The following DNAJC17 variants were observed in gnomAD, a reference collection of about 807,000 sequenced individuals.
The protein encoded by DNAJC17 is dnaJ homolog subfamily C member 17.
In DNAJC17, 35 loss-of-function variants were observed where a neutral mutation model predicts 48.1. The observed-to-expected ratio is 0.73, with a 90% CI of 0.56 to 0.96. The LOEUF is 0.96. DNAJC17 is among the 50% of genes least tolerant of loss of function. DNAJC17 has a pLI of 0.00. For synonymous variants in DNAJC17, 117 were observed against 142.7 expected, an observed-to-expected ratio of 0.82 and a Z score of 1.28; for missense variants, 355 against 377.1, an observed-to-expected ratio of 0.94 and a Z score of 0.48.
chr15:40,799,061 T>C (rs1470752536), intron 1 of DNAJC17, among the ~76,000 whole-genome samples: 2 of 151,164 alleles, frequency 1.3e-5, no homozygotes, highest in South Asian at 2.1e-4. Flanking sequence ...CTACTAAAAA[T>C]ACAAAAAAAA....
chr15:40,791,397 G>T (rs989596448), intron 1 of DNAJC17, among the ~76,000 whole-genome samples: 1 of 151,636 alleles, frequency 6.6e-6, no homozygotes, highest in African/African-American at 2.4e-5. Flanking sequence ...GTATGGTGGC[G>T]TGTGCCTGTA....
In DNAJC17 at chr15:40,767,927, G is replaced by C; in HGVS notation, c.*13C>G. The C allele has an allele frequency of 6.2e-7, 1 of 1,611,600 alleles. No individual in the cohort carries two copies. Among genetic ancestry groups the C allele is most frequent in the South Asian group, 1.1e-5 (1 of 90,790 alleles). On this transcript the variant is annotated 3_prime_UTR_variant, in exon 11 of 11. Transcript: ENST00000220496. ...GAAGAAAAGGGCTGAGGGGTGGATG[G>C]CTGGAGCTGGGGCTACGTAGGCGGC...
intron 8 of DNAJC17, among the ~76,000 whole-genome samples, chr15:40,774,681 T>A (rs1400182718): frequency 6.6e-6 from 1 of 152,272 alleles, no homozygotes; most frequent in Non-Finnish European, 1.5e-5. Flanking sequence ...CTGACACATT[T>A]CATTGCATAG....
chr15:40,774,583 A>C (rs1301369849), intron 8 of DNAJC17, 147 bp from the exon 9 acceptor site: 1 of 839,722 alleles, frequency 1.2e-6, no homozygotes, highest in Admixed American at 2.6e-5. Flanking sequence ...ATCTTAGTGA[A>C]GTGAGATCAG....
At chr15:40,784,225 AAAG>A (rs1889583486) in intron 1 of DNAJC17, among the ~76,000 whole-genome samples, 1 of 152,132 alleles carries the variant, frequency 6.6e-6, no homozygotes, top group Non-Finnish European at 1.5e-5. Flanking sequence ...TCAAAAAAAA[AAAG>A]AAGGAGCAGT....
At chr15:40,807,229 C>A in intron 1 of DNAJC17, 140 bp downstream of exon 1, 1 of 1,546,722 alleles carries the variant, frequency 6.5e-7, no homozygotes, top group Non-Finnish European at 8.7e-7. Flanking sequence ...AGCCCGCCTG[C>A]GGAGGGCATA....
In DNAJC17 at chr15:40,779,314, G is replaced by A; in HGVS notation, c.208-4C>T. 6.2e-7 allele frequency: 1 copy of A among 1,613,990 alleles called. No homozygotes were observed. The stretch of plus-strand genomic sequence containing the variant: ...TCCTGACCTTGTCATATGCAGCCTG[G>A]CAGGAGAAAGGGGCACAGGGCAGAG... On this transcript the variant is annotated splice_polypyrimidine_tract_variant and splice_region_variant and intron_variant, in intron 3 of 10. Coordinates refer to ENST00000220496, the MANE Select transcript of DNAJC17 (RefSeq NM_018163.3).
chr15:40,795,026 A>G (rs1889912116), intron 1 of DNAJC17, among the ~76,000 whole-genome samples: 1 of 152,120 alleles, frequency 6.6e-6, no homozygotes, highest in South Asian at 2.1e-4. Context: ...TATTTTTAAT[A>G]TATATTTTTA....
At position 40,766,030 on chromosome 15, in the gene DNAJC17, C is replaced by T. The variant is rs1166296054; in HGVS notation, c.*1910G>A. On this transcript the variant is annotated 3_prime_UTR_variant, in exon 11 of 11. Transcript: ENST00000220496. ...GGACAGGGCCCAGCATCAGAGCCCCCTGCCTGCATCCTGGGGCTCTGTTCT... is the reference window on the plus strand; with the variant it reads ...GGACAGGGCCCAGCATCAGAGCCCCTTGCCTGCATCCTGGGGCTCTGTTCT... 4.0e-6 allele frequency: 2 copies of T among 494,710 alleles called. No homozygotes were observed. The highest frequency in any genetic ancestry group is 7.2e-6 in the Non-Finnish European group (2 of 275,894). The allele number at this position is 494,710 out of a possible 1,614,324, so 30.6% of individuals were successfully genotyped here. A position where few individuals can be genotyped will look rare whatever the true frequency, so the allele number is the denominator to read the frequency against.
In DNAJC17 at chr15:40,767,401, G is replaced by C; in HGVS notation, c.*539C>G. On this transcript the variant is annotated 3_prime_UTR_variant, in exon 11 of 11. Coordinates refer to ENST00000220496, the MANE Select transcript of DNAJC17 (RefSeq NM_018163.3). ...GCACCCCTGTGGAGGGGCTGCTGTGGGCCCTGACCTCCAAGCTCCTGCCTC... is the reference window on the plus strand; with the variant it reads ...GCACCCCTGTGGAGGGGCTGCTGTGCGCCCTGACCTCCAAGCTCCTGCCTC... 1 of 1,530,986 alleles carries C rather than the reference G, an allele frequency of 6.5e-7. No homozygotes were observed. The highest frequency in any genetic ancestry group is 8.8e-7 in the Non-Finnish European group (1 of 1,140,142). 94.8% of individuals were successfully genotyped at this position (1,530,986 alleles called of 1,614,324 possible). A position where few individuals can be genotyped will look rare whatever the true frequency, so the allele number is the denominator to read the frequency against.
chr15:40,770,807 AG>A lies in DNAJC17; in HGVS notation c.793-2746del. 6.5e-7 allele frequency: 1 copy of A among 1,550,100 alleles called. No individual in the cohort carries two copies. The highest frequency in any genetic ancestry group is 1.2e-5 in the South Asian group (1 of 84,036). Reference sequence around the variant, plus strand: ...TGGAGCCCCCACCTGCCTACACAGCAGCCTACTCTGCCACCCTGCCATCGGC... The same window carrying A: ...TGGAGCCCCCACCTGCCTACACAGCACCTACTCTGCCACCCTGCCATCGGC... On this transcript the variant is annotated intron_variant, in intron 10 of 10. Transcript: ENST00000220496. The surrounding 1 kb of genome is among the most constrained non-coding windows in gnomAD (Gnocchi z 5.0).
At chr15:40,805,226 A>C (rs1380068253) in intron 1 of DNAJC17, among the ~76,000 whole-genome samples, 1 of 150,956 alleles carries the variant, frequency 6.6e-6, no homozygotes, top group Non-Finnish European at 1.5e-5. Flanking sequence ...AAATACAAAA[A>C]TTAGCTGGGC....
rs200470384 is a variant in DNAJC17, at chr15:40,770,683, G to A, written c.793-2621C>T. ...CTACAAGGGAGGCCAGATGGCCGGC[G>A]CCTGCCACTGTGGGGGGACGAGCAG... On this transcript the variant is annotated intron_variant, in intron 10 of 10. Transcript: ENST00000220496. This position sits in a 1 kb window ranked among gnomAD's most constrained non-coding sequence, Gnocchi z 5.0. 9.7e-6 allele frequency: 15 copies of A among 1,547,258 alleles called. No individual in the cohort carries two copies. Among genetic ancestry groups the A allele is most frequent in the African/African-American group, 1.4e-5 (1 of 73,018 alleles).
At chr15:40,776,454 C>A in intron 5 of DNAJC17, 88 bp downstream of exon 5, 1 of 1,540,044 alleles carries the variant, frequency 6.5e-7, no homozygotes, top group Non-Finnish European at 8.9e-7. Context: ...AGAGCATGCC[C>A]TCTCTAGCCA....
chr15:40,804,728 G>T (rs753283747), intron 1 of DNAJC17, among the ~76,000 whole-genome samples: 1 of 152,132 alleles, frequency 6.6e-6, no homozygotes, highest in Non-Finnish European at 1.5e-5. Context: ...TCAGCCGGGC[G>T]CGGTGGCTCA....
At chr15:40,777,283 T>C (rs909166958) in intron 4 of DNAJC17, among the ~76,000 whole-genome samples, 25 of 130,938 alleles carry the variant, frequency 1.9e-4, no homozygotes, top group Middle Eastern at 3.8e-3. Flanking sequence ...CTCTCTCTCT[T>C]TTTTTTTTTT....
chr15:40,777,158 G>A (rs540390226), intron 4 of DNAJC17, among the ~76,000 whole-genome samples: 27 of 152,120 alleles, frequency 1.8e-4, no homozygotes, highest in Admixed American at 2.0e-4. Context: ...GTGTGAGGGC[G>A]TTACCTTCCA....
intron 1 of DNAJC17, among the ~76,000 whole-genome samples, chr15:40,805,995 G>C (rs187105277): frequency 6.6e-6 from 1 of 152,156 alleles, no homozygotes; most frequent in Non-Finnish European, 1.5e-5. Context: ...AAACACGAGA[G>C]AGGTGGAGCA....
chr15:40,768,025 A>T lies in DNAJC17; in HGVS notation c.830T>A (p.Val277Asp). The T allele has an allele frequency of 6.3e-7, 1 of 1,598,082 alleles. No individual in the cohort carries two copies. ...VLSERDYESL[V>D]MMRMRQAAER... Reference sequence around the variant, plus strand: ...GGCCGCCTGGCGCATGCGCATCATGACGAGGCTCTCGTAGTCCCTCTCTGA... The same window carrying T: ...GGCCGCCTGGCGCATGCGCATCATGTCGAGGCTCTCGTAGTCCCTCTCTGA... The change falls in exon 11 of 11, where the codon GTC becomes GAC. Residue 277 changes from valine (V) to aspartate (D), a missense_variant. Coordinates refer to ENST00000220496, the MANE Select transcript of DNAJC17 (RefSeq NM_018163.3).
Sources: gnomAD v4.1 joint callset for allele counts (sites outside exome capture counted in the v4.1 genomes callset) on GRCh38, gnomAD v4.1.1 for gene constraint, Gnocchi (gnomAD v3.1) non-coding constraint, MANE v1.5 for transcripts, NCBI Gene and HGNC (gene_info 2026-07-23, HGNC 2026-07-21) for gene names.